The following LPAR1 variants were observed in gnomAD, a reference collection of about 807,000 sequenced individuals.
LPAR1 encodes the protein LPA receptor 1.
In LPAR1, 5 loss-of-function variants were observed where a neutral mutation model predicts 23.8. That is an observed-to-expected ratio of 0.21 (90% CI 0.11 to 0.44). The LOEUF (loss-of-function observed/expected upper bound fraction) is 0.44, where lower values mean the gene tolerates loss of function less well. Among genes scored for constraint, LPAR1 ranks in the 20% least tolerant of loss-of-function variants. The probability of loss-of-function intolerance (pLI) is 0.99; values close to 1 mark genes in which losing one functional copy is unlikely to be tolerated. For synonymous variants in LPAR1, 160 were observed against 164.7 expected (o/e 0.97, Z 0.22); for missense variants, 311 against 482.8 (o/e 0.64, Z 3.33).
chr9:110,954,689 T>C lies in LPAR1; in HGVS notation c.46-12521A>G, dbSNP rs1261018359. On this transcript the variant is annotated intron_variant, in intron 4 of 5. Coordinates refer to ENST00000683809, the MANE Select transcript of LPAR1 (RefSeq NM_001351411.2). ...GGGATGACACATTCATTCGAAGTGC[T>C]GAAGGAGGAAAAAAACAAACAAACA... Among the ~76,000 whole-genome samples the C allele has an allele frequency of 2.0e-5, 3 of 152,030 alleles. No homozygotes were observed. In the East Asian group the frequency reaches 5.8e-4, roughly 29 times the overall value.
chr9:110,892,485 G>A, intron 5 of LPAR1, among the ~76,000 whole-genome samples: 1 of 152,062 alleles, frequency 6.6e-6, no homozygotes, highest in South Asian at 2.1e-4. Context: ...CCAACATGGT[G>A]AAACCCCATC....
intron 5 of LPAR1, among the ~76,000 whole-genome samples, chr9:110,929,114 C>T (rs929502899): frequency 6.6e-6 from 1 of 152,198 alleles, no homozygotes; most frequent in Non-Finnish European, 1.5e-5. Flanking sequence ...AATCCCATTT[C>T]TTCAAAAAGA....
intron 4 of LPAR1, among the ~76,000 whole-genome samples, chr9:110,953,040 G>A (rs1025856987): frequency 1.3e-5 from 2 of 152,158 alleles, no homozygotes; most frequent in African/African-American, 4.8e-5. Flanking sequence ...GGCCCTCCCA[G>A]CCTGTTGCAG....
chr9:110,914,365 G>A (rs531493566), intron 5 of LPAR1, among the ~76,000 whole-genome samples: 8 of 152,170 alleles, frequency 5.3e-5, no homozygotes, highest in East Asian at 1.9e-4. Flanking sequence ...CTTACATGGC[G>A]GCAAGCAAGA....
chr9:110,960,975 T>C (rs2095951704), intron 4 of LPAR1, among the ~76,000 whole-genome samples: 1 of 152,184 alleles, frequency 6.6e-6, no homozygotes. Context: ...AATAACAATA[T>C]ATTTCCTTAT....
At chr9:110,895,859 C>A (rs2086153191) in intron 5 of LPAR1, among the ~76,000 whole-genome samples, 1 of 152,134 alleles carries the variant, frequency 6.6e-6, no homozygotes, top group African/African-American at 2.4e-5. Flanking sequence ...CCAGATGCAG[C>A]CCAGAGGAGC....
intron 5 of LPAR1, among the ~76,000 whole-genome samples, chr9:110,902,168 A>C (rs1057025862): frequency 6.6e-6 from 1 of 152,050 alleles, no homozygotes; most frequent in Non-Finnish European, 1.5e-5. Flanking sequence ...AGCCAGCCCA[A>C]ATAGGCTCAT....
intron 2 of LPAR1, among the ~76,000 whole-genome samples, chr9:111,000,838 G>T (rs2097113761): frequency 6.6e-6 from 1 of 152,154 alleles, no homozygotes; most frequent in Non-Finnish European, 1.5e-5. Context: ...CATTAAAATG[G>T]AAATACTCTT....
intron 5 of LPAR1, among the ~76,000 whole-genome samples, chr9:110,911,547 A>G (rs1199435834): frequency 6.6e-6 from 1 of 151,664 alleles, no homozygotes; most frequent in African/African-American, 2.4e-5. Flanking sequence ...ATCTAAAAAA[A>G]TAGTGGAGGA....
chr9:110,882,699 G>A (rs188994959), intron 5 of LPAR1, among the ~76,000 whole-genome samples: 7 of 152,144 alleles, frequency 4.6e-5, no homozygotes, highest in East Asian at 1.9e-4. Flanking sequence ...AGCAATTTCC[G>A]GACAACTTCT....
At chr9:111,038,847 AC>A, upstream of LPAR1, 1 of 303,294 alleles carries the variant, frequency 3.3e-6, no homozygotes, top group South Asian at 2.3e-5. This position sits in a 1 kb window ranked among gnomAD's most constrained non-coding sequence, Gnocchi z 4.4. Flanking sequence ...CTCGGGTCCC[AC>A]CCCCGCCCCT....
At chr9:110,924,670 G>GAA (rs1188126016) in intron 5 of LPAR1, among the ~76,000 whole-genome samples, 2 of 138,918 alleles carry the variant, frequency 1.4e-5, no homozygotes, top group African/African-American at 2.6e-5. Flanking sequence ...CTATCTCTTA[G>GAA]AAAAAAAAAA....
chr9:111,009,964 T>C (rs1588843092), intron 2 of LPAR1, among the ~76,000 whole-genome samples: 2 of 148,312 alleles, frequency 1.3e-5, no homozygotes, highest in East Asian at 2.0e-4. Flanking sequence ...GTTTACACTT[T>C]ACATATTTTC....
At chr9:110,976,396 C>T (rs904897957) in intron 2 of LPAR1, among the ~76,000 whole-genome samples, 1 of 151,680 alleles carries the variant, frequency 6.6e-6, no homozygotes, top group African/African-American at 2.4e-5. Context: ...ATCCCAGCTA[C>T]TCAGGAGGCT....
intron 2 of LPAR1, among the ~76,000 whole-genome samples, chr9:111,009,894 T>A (rs922149200): frequency 6.6e-6 from 1 of 151,022 alleles, no homozygotes; most frequent in African/African-American, 2.4e-5. Flanking sequence ...TTATTATGGA[T>A]GCTAAGTTAC....
intron 4 of LPAR1, among the ~76,000 whole-genome samples, chr9:110,947,956 T>C (rs765552409): frequency 2.0e-5 from 3 of 152,182 alleles, no homozygotes; most frequent in Non-Finnish European, 2.9e-5. Context: ...CCTCCACTTC[T>C]GTTAAAATAC....
At chr9:110,882,800 T>C (rs1375758662) in intron 5 of LPAR1, among the ~76,000 whole-genome samples, 1 of 152,214 alleles carries the variant, frequency 6.6e-6, no homozygotes, top group Non-Finnish European at 1.5e-5. Flanking sequence ...ATGTAAAATG[T>C]TAGCATGTTT....
intron 4 of LPAR1, among the ~76,000 whole-genome samples, chr9:110,951,291 G>A (rs969930989): frequency 1.3e-5 from 2 of 151,910 alleles, no homozygotes; most frequent in South Asian, 2.1e-4. Flanking sequence ...AAAAAGCATC[G>A]ATAAAACTTG....
At chr9:111,007,739 C>A (rs904388719) in intron 2 of LPAR1, among the ~76,000 whole-genome samples, 3 of 152,098 alleles carry the variant, frequency 2.0e-5, no homozygotes, top group African/African-American at 7.2e-5. Flanking sequence ...GACAAACACA[C>A]CCTTTGACCT....
Sources: allele counts gnomAD v4.1 joint callset (sites outside exome capture counted in the v4.1 genomes callset), GRCh38; gene constraint gnomAD v4.1.1; non-coding constraint Gnocchi (gnomAD v3.1); transcripts MANE v1.5; gene names NCBI Gene and HGNC (gene_info 2026-07-23, HGNC 2026-07-21).